The following WNT7A variants were observed in gnomAD, a reference collection of about 807,000 sequenced individuals.
WNT7A encodes Wnt family member 7A.
A neutral mutation model predicts 28.2 loss-of-function variants in WNT7A; 16 were observed. The ratio of observed to expected loss-of-function variants is 0.57; its 90% CI spans 0.38 to 0.86. The LOEUF (loss-of-function observed/expected upper bound fraction) is 0.86. WNT7A is among the 40% of genes least tolerant of loss of function. The pLI is 0.00. For synonymous variants in WNT7A, 190 were observed against 195.9 expected, an observed-to-expected ratio of 0.97 and a Z score of 0.25; for missense variants, 411 against 489.7, an observed-to-expected ratio of 0.84 and a Z score of 1.52.
At chr3:13,846,816 C>T (rs963404451) in intron 3 of WNT7A, among the ~76,000 whole-genome samples, 13 of 152,180 alleles carry the variant, frequency 8.5e-5, no homozygotes, top group African/African-American at 3.1e-4. Flanking sequence ...CCACTCATGG[C>T]TGAGCCACCT....
intron 2 of WNT7A, among the ~76,000 whole-genome samples, chr3:13,868,914 GGAAGGAAGGAAA>G (rs1694977679): frequency 7.2e-6 from 1 of 138,224 alleles, no homozygotes; most frequent in Non-Finnish European, 1.5e-5. Context: ...AAGGAAAGAA[GGAAGGAAGGAAA>G]GAAGGAAGGA....
chr3:13,877,569 C>T (rs1460538718), intron 1 of WNT7A, among the ~76,000 whole-genome samples: 2 of 152,216 alleles, frequency 1.3e-5, no homozygotes, highest in African/African-American at 4.8e-5. Context: ...AGACTAGCCC[C>T]TAAGGGTCTG....
intron 3 of WNT7A, among the ~76,000 whole-genome samples, chr3:13,834,305 C>A (rs1694329435): frequency 6.6e-6 from 1 of 152,070 alleles, no homozygotes; most frequent in African/African-American, 2.4e-5. Flanking sequence ...TCCTTAAACC[C>A]TTCCAGTTGT....
chr3:13,877,011 G>T (rs945253888), intron 1 of WNT7A: 15 of 152,178 alleles, frequency 9.9e-5, no homozygotes, highest in African/African-American at 3.4e-4. Flanking sequence ...GCTCCCTGAG[G>T]GCAGGGAGGC....
rs546386049 is a variant in WNT7A, at chr3:13,878,465, A to G, written c.71+1281T>C. On this transcript the variant is annotated intron_variant, in intron 1 of 3. Transcript: ENST00000285018. ...AGACGCGGGCGAATCAATAACACTT[A>G]AAACACACCGGCAGGCTGGCGGTAC... Among the ~76,000 whole-genome samples, 1,274 of 152,220 alleles carry G rather than the reference A, an allele frequency of 8.4e-3. 20 individuals are homozygous for G. The highest frequency in any genetic ancestry group is 0.029 in the African/African-American group (1,197 of 41,548).
At position 13,818,831 on chromosome 3, in the gene WNT7A, C is replaced by G; in HGVS notation, c.*113G>C. On this transcript the variant is annotated 3_prime_UTR_variant, in exon 4 of 4. Coordinates refer to ENST00000285018, the MANE Select transcript of WNT7A (RefSeq NM_004625.4). ...CTGCAGGAAACCCAGGAAAAGTACC[C>G]TCCTCAGCAGAAAAGACAAGCTCAG... 7.0e-7 allele frequency: 1 copy of G among 1,435,306 alleles called. No individual in the cohort carries two copies. Among genetic ancestry groups the G allele is most frequent in the Non-Finnish European group, 9.2e-7 (1 of 1,090,984 alleles). The allele number at this position is 1,435,306 out of a possible 1,614,324, so 88.9% of individuals were successfully genotyped here. A position where few individuals can be genotyped will look rare whatever the true frequency, so the allele number is the denominator to read the frequency against.
At chr3:13,827,469 C>T (rs969955356) in intron 3 of WNT7A, among the ~76,000 whole-genome samples, 4 of 152,248 alleles carry the variant, frequency 2.6e-5, no homozygotes, top group East Asian at 3.9e-4. Context: ...GCCCAGAGCC[C>T]GGAATTACTC....
chr3:13,834,488 C>T (rs1425473567), intron 3 of WNT7A, among the ~76,000 whole-genome samples: 1 of 151,956 alleles, frequency 6.6e-6, no homozygotes, highest in Admixed American at 6.6e-5. Flanking sequence ...CTGTTCTTTC[C>T]CTCTGTCCTC....
At chr3:13,854,452 A>T in intron 3 of WNT7A, 80 bp downstream of exon 3, 2 of 1,606,238 alleles carry the variant, frequency 1.2e-6, no homozygotes, top group Non-Finnish European at 1.7e-6. Context: ...CTCAACAGAC[A>T]CCCAGCACCA....
At position 13,826,144 on chromosome 3, in the gene WNT7A, G is replaced by A. The variant is rs183994108; in HGVS notation, c.571-6721C>T. The stretch of plus-strand genomic sequence containing the variant: ...CGTCACCCCTGCTGGGGAGTTCCCA[G>A]GAAGACTATGACACAAGGAGGTGCT... On this transcript the variant is annotated intron_variant, in intron 3 of 3. Coordinates refer to ENST00000285018, the MANE Select transcript of WNT7A (RefSeq NM_004625.4). Among the ~76,000 whole-genome samples, 220 of 152,330 alleles carry A rather than the reference G, an allele frequency of 1.4e-3. 1 individual carries two copies. The highest frequency in any genetic ancestry group is 2.1e-3 in the Non-Finnish European group (140 of 68,032).
intron 3 of WNT7A, among the ~76,000 whole-genome samples, chr3:13,828,216 C>T (rs77511839): frequency 0.016 from 2,474 of 152,294 alleles, 63 homozygotes; most frequent in African/African-American, 0.056. Flanking sequence ...TATCTCCCAC[C>T]AGATACGAAC....
chr3:13,825,987 T>G (rs918591200), intron 3 of WNT7A, among the ~76,000 whole-genome samples: 10 of 152,212 alleles, frequency 6.6e-5, no homozygotes, highest in African/African-American at 2.4e-4. Context: ...CCCCCGCCTC[T>G]GATGAAGAGC....
In WNT7A at chr3:13,868,821, AG is replaced by A. The variant is rs2124874329; in HGVS notation, c.298+6125del. Reference sequence around the variant, plus strand: ...GAGAGAGAGAAAGAAAGAGAGAGAGAGAGAAAGAGAGAAAGAGAGAGAGAAA... The same window carrying A: ...GAGAGAGAGAAAGAAAGAGAGAGAGAAGAAAGAGAGAAAGAGAGAGAGAAA... On this transcript the variant is annotated intron_variant, in intron 2 of 3. Coordinates refer to ENST00000285018, the MANE Select transcript of WNT7A (RefSeq NM_004625.4). Among the ~76,000 whole-genome samples, 5 of 35,386 alleles carry A rather than the reference AG, an allele frequency of 1.4e-4. 1 individual carries two copies. Among genetic ancestry groups the A allele is most frequent in the East Asian group, 0.02 (2 of 100 alleles). The allele number at this position is 35,386 out of a possible 152,430, so 23.2% of individuals were successfully genotyped here.
At chr3:13,857,376 G>A (rs1694762697) in intron 2 of WNT7A, among the ~76,000 whole-genome samples, 1 of 152,138 alleles carries the variant, frequency 6.6e-6, no homozygotes, top group South Asian at 2.1e-4. Context: ...GAGCCTCATG[G>A]ATAGATCCTC....
At position 13,856,978 on chromosome 3, in the gene WNT7A, A is replaced by G. The variant is rs199592935; in HGVS notation, c.299-2175T>C. On this transcript the variant is annotated intron_variant, in intron 2 of 3. Coordinates refer to ENST00000285018, the MANE Select transcript of WNT7A (RefSeq NM_004625.4). ...GAAGAAGAAGAAGAAGGAGAAGAAG[A>G]AGAAGAAGGAGAAGAAGAAGAAGAA... 1.4e-3 allele frequency among the ~76,000 whole-genome samples: 139 copies of G among 100,568 alleles called. 3 individuals carry two copies. The highest frequency in any genetic ancestry group is 8.7e-3 in the African/African-American group (130 of 14,892). The allele number at this position is 100,568 out of a possible 152,430, so 66.0% of individuals were successfully genotyped here.
At chr3:13,870,807 G>A (rs567896196) in intron 2 of WNT7A, among the ~76,000 whole-genome samples, 108 of 152,288 alleles carry the variant, frequency 7.1e-4, no homozygotes, top group South Asian at 7.0e-3. Flanking sequence ...GGATGCCAAC[G>A]CTACCTCTGG....
At chr3:13,875,416 A>T (rs1695096715) in intron 1 of WNT7A, among the ~76,000 whole-genome samples, 1 of 152,232 alleles carries the variant, frequency 6.6e-6, no homozygotes, top group African/African-American at 2.4e-5. Flanking sequence ...TTTTTGTTTT[A>T]GAAACAAAAA....
At chr3:13,843,996 C>G (rs1401046449) in intron 3 of WNT7A, among the ~76,000 whole-genome samples, 1 of 152,196 alleles carries the variant, frequency 6.6e-6, no homozygotes, top group East Asian at 1.9e-4. Context: ...TCCACCCACC[C>G]TTGGCCTCCC....
At chr3:13,848,814 T>C (rs999317211) in intron 3 of WNT7A, among the ~76,000 whole-genome samples, 6 of 152,180 alleles carry the variant, frequency 3.9e-5, no homozygotes, top group Non-Finnish European at 7.3e-5. Flanking sequence ...AGCAGCTTTA[T>C]TTGTAATAGT....
Sources: allele counts gnomAD v4.1 joint callset (sites outside exome capture counted in the v4.1 genomes callset), GRCh38; gene constraint gnomAD v4.1.1; transcripts MANE v1.5; gene names NCBI Gene and HGNC (gene_info 2026-07-23, HGNC 2026-07-21).